TCF12: variants seen among roughly 807,000 people sequenced by gnomAD.
TCF12 encodes the protein DNA-binding protein HTF4.
TCF12 carries 45 observed loss-of-function variants against 86.0 expected under a neutral mutation model. The ratio of observed to expected loss-of-function variants is 0.52; its 90% confidence interval spans 0.41 to 0.67. The LOEUF (loss-of-function observed/expected upper bound fraction) is 0.67, where lower values mean the gene tolerates loss of function less well. Ranked by LOEUF, TCF12 falls within the 30% of genes least tolerant of loss-of-function variation. The probability of loss-of-function intolerance (pLI) is 0.00; values close to 1 mark genes in which losing one functional copy is unlikely to be tolerated. For synonymous variants in TCF12, 330 were observed against 299.6 expected, an observed-to-expected ratio of 1.10 and a Z score of -1.05; for missense variants, 881 against 859.9, an observed-to-expected ratio of 1.02 and a Z score of -0.31.
chr15:56,933,067 T>C (rs886156434), intron 3 of TCF12, among the ~76,000 whole-genome samples: 3 of 152,182 alleles, frequency 2.0e-5, no homozygotes, highest in African/African-American at 4.8e-5. Flanking sequence ...TTGGAAGATA[T>C]TGGAATATTC....
intron 3 of TCF12, among the ~76,000 whole-genome samples, chr15:57,011,207 G>A (rs1431561301): frequency 1.3e-5 from 2 of 152,160 alleles, no homozygotes; most frequent in African/African-American, 4.8e-5. Context: ...AGTGTTGGAG[G>A]TGGGGTCCTG....
chr15:57,023,457 C>G (rs1010109039), intron 3 of TCF12, among the ~76,000 whole-genome samples: 11 of 150,478 alleles, frequency 7.3e-5, no homozygotes, highest in Admixed American at 5.3e-4. Context: ...ACTTACTGAT[C>G]ATTGTATCTG....
intron 3 of TCF12, among the ~76,000 whole-genome samples, chr15:56,940,761 TTCTC>T (rs2140349588): frequency 7.8e-6 from 1 of 128,768 alleles, no homozygotes. Context: ...CTCCTTCTCC[TTCTC>T]CTTCTTCTGA....
At chr15:57,131,679 C>G (rs1426009597) in intron 5 of TCF12, among the ~76,000 whole-genome samples, 2 of 152,138 alleles carry the variant, frequency 1.3e-5, no homozygotes, top group Admixed American at 1.3e-4. Context: ...CTACATGATA[C>G]TCTGAAGATG....
At chr15:57,252,811 A>G (rs2733326) in intron 15 of TCF12, among the ~76,000 whole-genome samples, 3,675 of 152,150 alleles carry the variant, frequency 0.024, 151 homozygotes, top group African/African-American at 0.084. Context: ...TGTTCACCAT[A>G]TAAGTTACAT....
At chr15:56,961,184 A>G (rs567217845) in intron 3 of TCF12, among the ~76,000 whole-genome samples, 1 of 152,244 alleles carries the variant, frequency 6.6e-6, no homozygotes, top group East Asian at 1.9e-4. Context: ...TGCTAGCTAG[A>G]CACTGTGCTG....
At chr15:57,249,984 T>C (rs2060033418) in intron 13 of TCF12, among the ~76,000 whole-genome samples, 1 of 152,212 alleles carries the variant, frequency 6.6e-6, no homozygotes. Flanking sequence ...TGAATTATTT[T>C]TTTATGCTTC....
chr15:57,288,324 C>T lies in TCF12; in HGVS notation c.*2179C>T, dbSNP rs1280146876. On this transcript the variant is annotated 3_prime_UTR_variant, in exon 21 of 21. Transcript: ENST00000333725. ...TAATTGTTGGAGATGAATTGCTTCT[C>T]ATCTTGTTCTCCAGTTTCCATTGTT... The T allele has an allele frequency of 2.0e-5, 3 of 152,606 alleles. No individual in the cohort carries two copies. The highest frequency in any genetic ancestry group is 4.4e-5 in the Non-Finnish European group (3 of 68,028). The allele number at this position is 152,606 out of a possible 1,614,324, so 9.5% of individuals were successfully genotyped here. A position where few individuals can be genotyped will look rare whatever the true frequency, so the allele number is the denominator to read the frequency against.
intron 15 of TCF12, 56 bp from the exon 16 acceptor site, chr15:57,253,205 TA>T (rs2060198112): frequency 6.3e-7 from 1 of 1,585,212 alleles, no homozygotes; most frequent in Non-Finnish European, 8.7e-7. Flanking sequence ...ACGTAGCAGT[TA>T]ATGAATCTAA....
intron 3 of TCF12, among the ~76,000 whole-genome samples, chr15:56,941,754 A>G (rs1325297113): frequency 6.6e-6 from 1 of 151,192 alleles, no homozygotes; most frequent in Non-Finnish European, 1.5e-5. Context: ...TCTTGTATAT[A>G]GTGCCCAGCC....
chr15:57,023,036 G>C (rs1465610948), intron 3 of TCF12, among the ~76,000 whole-genome samples: 1 of 152,078 alleles, frequency 6.6e-6, no homozygotes, highest in Non-Finnish European at 1.5e-5. Flanking sequence ...TCCTGTTTCT[G>C]TTGTATAAGA....
chr15:57,139,790 AG>A (rs2052823824), intron 5 of TCF12, among the ~76,000 whole-genome samples: 1 of 152,196 alleles, frequency 6.6e-6, no homozygotes, highest in Admixed American at 6.5e-5. Flanking sequence ...GTACCAAAAA[AG>A]CTTTATAGAT....
At chr15:57,268,496 G>T (rs1024474066) in intron 18 of TCF12, among the ~76,000 whole-genome samples, 1 of 152,100 alleles carries the variant, frequency 6.6e-6, no homozygotes, top group Non-Finnish European at 1.5e-5. Flanking sequence ...ATTCTCCCAT[G>T]CCCGCCTCAG....
intron 5 of TCF12, 130 bp downstream of exon 5, chr15:57,092,021 G>T: frequency 1.6e-6 from 1 of 644,826 alleles, no homozygotes; most frequent in Non-Finnish European, 2.6e-6. Context: ...GGCATCTAGG[G>T]CTTTTCTTGT....
intron 19 of TCF12, among the ~76,000 whole-genome samples, chr15:57,273,981 G>A (rs1275088669): frequency 1.3e-5 from 2 of 152,126 alleles, no homozygotes. Context: ...CCTAGGCCCT[G>A]GGTTATCAAA....
chr15:57,129,687 T>C (rs1193556322), intron 5 of TCF12: 5 of 152,342 alleles, frequency 3.3e-5, no homozygotes, highest in Non-Finnish European at 5.9e-5. Context: ...TTGAGAATGA[T>C]GTAATAAAAA....
chr15:57,208,929 T>G (rs573444048), intron 8 of TCF12, among the ~76,000 whole-genome samples: 2 of 150,660 alleles, frequency 1.3e-5, no homozygotes, highest in Admixed American at 6.6e-5. Context: ...TTGCCAGGGT[T>G]GGTCTCAAAC....
chr15:57,106,273 A>G (rs999515416), intron 5 of TCF12, among the ~76,000 whole-genome samples: 3 of 152,260 alleles, frequency 2.0e-5, no homozygotes, highest in Non-Finnish European at 2.9e-5. Flanking sequence ...TTTAGTTGAT[A>G]GTAATGCTCT....
At chr15:57,122,493 T>G (rs1567466276) in intron 5 of TCF12, among the ~76,000 whole-genome samples, 1 of 152,252 alleles carries the variant, frequency 6.6e-6, no homozygotes, top group Non-Finnish European at 1.5e-5. Context: ...AGCATTATTT[T>G]ATGGGTATAG....
Sources: allele counts gnomAD v4.1 joint callset (sites outside exome capture counted in the v4.1 genomes callset), GRCh38; gene constraint gnomAD v4.1.1; transcripts MANE v1.5; gene names NCBI Gene and HGNC (gene_info 2026-07-23, HGNC 2026-07-21).